HSCB: variants seen among roughly 807,000 people sequenced by gnomAD.
HSCB encodes HscB mitochondrial iron-sulfur cluster cochaperone, also known as iron-sulfur cluster co-chaperone protein HscB.
In HSCB, 23 loss-of-function variants were observed where a neutral mutation model predicts 31.3. The observed-to-expected ratio is 0.74, with a 90% CI of 0.53 to 1.04. HSCB has a LOEUF of 1.04. Ranked by LOEUF, HSCB falls within the 50% of genes least tolerant of loss-of-function variation. The pLI, the probability that HSCB is intolerant of heterozygous loss-of-function variation, is 0.00. For synonymous variants in HSCB, 110 were observed against 104.5 expected, an observed-to-expected ratio of 1.05 and a Z score of -0.32; for missense variants, 297 against 288.1, an observed-to-expected ratio of 1.03 and a Z score of -0.22.
intron 5 of HSCB, among the ~76,000 whole-genome samples, chr22:28,756,172 C>T (rs548140650): frequency 4.6e-4 from 69 of 151,186 alleles, no homozygotes; most frequent in African/African-American, 1.4e-3. Context: ...TGGTTGAACC[C>T]GGGAGGTGGA....
At chr22:28,752,099 C>G (rs901815959) in intron 5 of HSCB, among the ~76,000 whole-genome samples, 57 of 135,920 alleles carry the variant, frequency 4.2e-4, no homozygotes, top group African/African-American at 1.5e-3. Flanking sequence ...TCAAAACAAA[C>G]AAAAAAAAAA....
At chr22:28,744,092 C>T (rs2054642518) in intron 2 of HSCB, 114 bp downstream of exon 2, 1 of 844,136 alleles carries the variant, frequency 1.2e-6, no homozygotes, top group African/African-American at 1.7e-5. Context: ...TGTGTCTGCC[C>T]CATGGCAGTC....
At chr22:28,756,962 A>C in intron 5 of HSCB, 116 bp from the exon 6 acceptor site, 1 of 716,894 alleles carries the variant, frequency 1.4e-6, no homozygotes, top group Non-Finnish European at 2.6e-6. Context: ...TTACTGAGGA[A>C]TTGATGAGCC....
At chr22:28,747,172 G>T (rs927000123) in intron 4 of HSCB, among the ~76,000 whole-genome samples, 1 of 152,134 alleles carries the variant, frequency 6.6e-6, no homozygotes, top group Non-Finnish European at 1.5e-5. Flanking sequence ...ACCTGTTTTT[G>T]CACTTAATGC....
intron 4 of HSCB, among the ~76,000 whole-genome samples, chr22:28,747,004 C>CAGTG (rs1203986458): frequency 6.6e-6 from 1 of 151,936 alleles, no homozygotes; most frequent in African/African-American, 2.4e-5. Context: ...GCAGAGGTTG[C>CAGTG]AGTGAGCTGA....
chr22:28,752,856 G>A (rs538372097), intron 5 of HSCB, among the ~76,000 whole-genome samples: 13 of 152,140 alleles, frequency 8.5e-5, no homozygotes, highest in African/African-American at 2.4e-4. Flanking sequence ...CAAGGTGGGC[G>A]GATCACAAGG....
At chr22:28,753,213 A>G (rs975567595) in intron 5 of HSCB, among the ~76,000 whole-genome samples, 6 of 152,052 alleles carry the variant, frequency 3.9e-5, no homozygotes, top group Non-Finnish European at 8.8e-5. Context: ...TGATCTAACA[A>G]AGTGTTTTCA....
intron 1 of HSCB, among the ~76,000 whole-genome samples, chr22:28,743,449 T>G (rs995807869): frequency 1.3e-5 from 2 of 152,234 alleles, no homozygotes; most frequent in African/African-American, 2.4e-5. Context: ...GAAATCTGAC[T>G]AAAGTTTGGC....
At chr22:28,750,945 C>CTTTTTTTTGTTTTTTTTTTTTTTT (rs2030188957) in intron 4 of HSCB, among the ~76,000 whole-genome samples, 1 of 56,450 alleles carries the variant, frequency 1.8e-5, no homozygotes, top group Non-Finnish European at 3.2e-5. Flanking sequence ...ATATCTTTGT[C>CTTTTTTTTGTTTTTTTTTTTTTTT]TTTTTTTTTT....
intron 5 of HSCB, among the ~76,000 whole-genome samples, chr22:28,753,786 G>A (rs2030419112): frequency 6.7e-6 from 1 of 149,024 alleles, no homozygotes; most frequent in African/African-American, 2.5e-5. Flanking sequence ...TGCAGTGAGT[G>A]GAGACCACCT....
intron 2 of HSCB, 21 bp from the exon 3 acceptor site, chr22:28,744,594 T>C (rs2054652714): frequency 2.6e-6 from 4 of 1,532,772 alleles, no homozygotes; most frequent in East Asian, 2.2e-5. Context: ...GTAATAGTAC[T>C]ATCTTCATCT....
At position 28,742,113 on chromosome 22, in the gene HSCB, C is replaced by CG; in HGVS notation, c.22dup (p.Ala8GlyfsTer61). 3 of 1,599,022 alleles carry CG rather than the reference C, an allele frequency of 1.9e-6. No homozygotes were observed. Among genetic ancestry groups the CG allele is most frequent in the Non-Finnish European group, 2.6e-6 (3 of 1,173,058 alleles). On this transcript the variant is annotated frameshift_variant, in exon 1 of 6. Transcript: ENST00000216027. LOFTEE classifies it high-confidence loss of function. ...CCGGCCAGATGTGGCGGGGGAGAGCCGGGGCTTTGCTCCGGGTGTGGGGGT... is the reference window on the plus strand; with the variant it reads ...CCGGCCAGATGTGGCGGGGGAGAGCCGGGGGCTTTGCTCCGGGTGTGGGGGT...
intron 4 of HSCB, among the ~76,000 whole-genome samples, chr22:28,747,653 CG>C (rs2029924388): frequency 1.3e-5 from 2 of 152,100 alleles, no homozygotes; most frequent in Non-Finnish European, 2.9e-5. Context: ...GCCAAGTTGA[CG>C]CATAAAATTA....
intron 4 of HSCB, among the ~76,000 whole-genome samples, chr22:28,749,574 C>T (rs570059258): frequency 1.3e-5 from 2 of 152,288 alleles, no homozygotes; most frequent in East Asian, 3.9e-4. Flanking sequence ...CCCTCACATC[C>T]TCAGCTCACA....
chr22:28,751,163 A>ACAAAG (rs1292757678), intron 4 of HSCB, 78 bp from the exon 5 acceptor site: 20 of 861,338 alleles, frequency 2.3e-5, no homozygotes, highest in Non-Finnish European at 3.6e-5. Flanking sequence ...AACCAGCATG[A>ACAAAG]TTACAAAGTT....
At chr22:28,755,101 T>G (rs1390844823) in intron 5 of HSCB, among the ~76,000 whole-genome samples, 1 of 145,192 alleles carries the variant, frequency 6.9e-6, no homozygotes, top group Non-Finnish European at 1.5e-5. Flanking sequence ...GCCCTAAAAT[T>G]TTTTGAATAC....
chr22:28,743,302 G>T (rs1361507549), intron 1 of HSCB, among the ~76,000 whole-genome samples: 1 of 152,108 alleles, frequency 6.6e-6, no homozygotes, highest in Non-Finnish European at 1.5e-5. Flanking sequence ...GATAGTAGAG[G>T]ATGAAGAATC....
intron 4 of HSCB, among the ~76,000 whole-genome samples, chr22:28,750,247 C>CAAAAAA (rs563701958): frequency 4.6e-5 from 3 of 64,714 alleles, no homozygotes; most frequent in Non-Finnish European, 6.2e-5. Flanking sequence ...GAAACTGTCT[C>CAAAAAA]AAAAAAAAAA....
intron 5 of HSCB, 53 bp from the exon 6 acceptor site, chr22:28,757,025 G>A: frequency 9.3e-7 from 1 of 1,077,294 alleles, no homozygotes; most frequent in Admixed American, 1.7e-5. Context: ...ATCAGAGTTG[G>A]TTTTATTCTT....
Sources: allele counts gnomAD v4.1 joint callset (sites outside exome capture counted in the v4.1 genomes callset), GRCh38; gene constraint gnomAD v4.1.1; transcripts MANE v1.5; gene names NCBI Gene and HGNC (gene_info 2026-07-23, HGNC 2026-07-21).